The following NBEA variants were observed in gnomAD, a reference collection of about 807,000 sequenced individuals.
NBEA encodes the protein neurobeachin.
Under a neutral mutation model 343.4 loss-of-function variants are expected in NBEA, and 44 were observed. That is an observed-to-expected ratio of 0.13 (90% CI 0.10 to 0.16). The LOEUF (loss-of-function observed/expected upper bound fraction) is 0.16, where lower values mean the gene tolerates loss of function less well. Among genes scored for constraint, NBEA ranks in the 10% least tolerant of loss-of-function variants. NBEA has a pLI of 1.00. For synonymous variants in NBEA, 1,175 were observed against 1,238.7 expected (o/e 0.95, Z 1.08); for missense variants, 2,555 against 3,631.3 (o/e 0.70, Z 7.62).
intron 35 of NBEA, among the ~76,000 whole-genome samples, chr13:35,300,125 T>C (rs2152825175): frequency 6.6e-6 from 1 of 152,302 alleles, no homozygotes; most frequent in Non-Finnish European, 1.5e-5. Context: ...TTTTTGAAGC[T>C]CTTAGAATCA....
At chr13:35,290,175 A>G (rs1045799031) in intron 34 of NBEA, among the ~76,000 whole-genome samples, 1 of 151,826 alleles carries the variant, frequency 6.6e-6, no homozygotes, top group Admixed American at 6.6e-5. Flanking sequence ...CACAGCCAAT[A>G]TCATACTGAA....
intron 38 of NBEA, among the ~76,000 whole-genome samples, chr13:35,404,865 A>G (rs1159412606): frequency 6.6e-6 from 1 of 152,182 alleles, no homozygotes; most frequent in African/African-American, 2.4e-5. Flanking sequence ...TTAGAAACAT[A>G]GCAAAGAAGA....
intron 33 of NBEA, among the ~76,000 whole-genome samples, chr13:35,225,229 G>A (rs2074586212): frequency 6.6e-6 from 1 of 152,062 alleles, no homozygotes; most frequent in African/African-American, 2.4e-5. Context: ...GGATCTTGAA[G>A]GTAGGGCTTT....
rs144339801 is a variant in NBEA at position 35,406,242 on chromosome 13, T to C, written c.6180-26027T>C. Reference sequence around the variant, plus strand: ...AAGTGAAAAAATATACTCATTATACTAAATTTTTCCTCAATGGCTTCACCT... The same window carrying C: ...AAGTGAAAAAATATACTCATTATACCAAATTTTTCCTCAATGGCTTCACCT... On this transcript the variant is annotated intron_variant, in intron 38 of 58. Transcript: ENST00000379939. Among the ~76,000 whole-genome samples the C allele has an allele frequency of 9.9e-5, 15 of 152,064 alleles. No individual in the cohort carries two copies. In the East Asian group the frequency reaches 2.3e-3, roughly 24 times the overall value.
intron 34 of NBEA, among the ~76,000 whole-genome samples, chr13:35,265,974 A>G (rs1028481211): frequency 1.3e-5 from 2 of 151,992 alleles, no homozygotes; most frequent in African/African-American, 2.4e-5. Context: ...GCTAATATCC[A>G]AAATATATAA....
At chr13:35,264,929 GA>G (rs142281607) in intron 34 of NBEA, among the ~76,000 whole-genome samples, 2,442 of 148,170 alleles carry the variant, frequency 0.016, 61 homozygotes, top group African/African-American at 0.058. Flanking sequence ...ATCCAAATGA[GA>G]AAAAAAAAAT....
In NBEA at chr13:35,110,864, A is replaced by G. The variant is rs755268889; in HGVS notation, c.1888A>G (p.Ile630Val). 1 of 1,612,402 alleles carries G rather than the reference A, an allele frequency of 6.2e-7. No homozygotes were observed. Among genetic ancestry groups the G allele is most frequent in the African/African-American group, 1.3e-5 (1 of 74,868 alleles). The part of the protein sequence containing the change: ...LSAEFIGTAT[I>V]YTTIRRVGTV... ...TGCTGAATTTATTGGAACTGCTACC[A>G]TCTACACCACCATACGCAGAGTAGG... The change falls in exon 13 of 59, where the codon ATC becomes GTC. Residue 630 changes from isoleucine (I) to valine (V), a missense_variant. Around this residue, in one of 21 missense-constraint regions of NBEA, gnomAD observed 360 missense variants for 519.1 expected, o/e 0.69. Coordinates refer to ENST00000379939, the MANE Select transcript of NBEA (RefSeq NM_001385012.1).
chr13:35,093,420 G>T (rs1470445063), intron 10 of NBEA, among the ~76,000 whole-genome samples: 2 of 151,476 alleles, frequency 1.3e-5, no homozygotes, highest in Non-Finnish European at 2.9e-5. Context: ...AAGTATTAAA[G>T]AATTGTTTCA....
intron 46 of NBEA, among the ~76,000 whole-genome samples, chr13:35,586,751 A>T (rs1452648841): frequency 6.6e-6 from 1 of 152,316 alleles, no homozygotes; most frequent in Middle Eastern, 3.4e-3. Flanking sequence ...CAATCAGAAC[A>T]GAGCATCTTT....
chr13:35,287,813 C>T (rs2035533398), intron 34 of NBEA, among the ~76,000 whole-genome samples: 1 of 151,894 alleles, frequency 6.6e-6, no homozygotes, highest in African/African-American at 2.4e-5. Flanking sequence ...CCACCACTGA[C>T]TGAATGACAC....
intron 39 of NBEA, among the ~76,000 whole-genome samples, chr13:35,441,831 G>GAAAA (rs34357028): frequency 3.7e-4 from 44 of 120,046 alleles, no homozygotes; most frequent in African/African-American, 1.2e-3. Context: ...TGCTAGATGT[G>GAAAA]AAAAAAAAAA....
At chr13:34,945,614 G>A (rs17051745) in intron 1 of NBEA, among the ~76,000 whole-genome samples, 3,542 of 152,032 alleles carry the variant, frequency 0.023, 60 homozygotes, top group South Asian at 0.075. Flanking sequence ...AAAAATGTAA[G>A]GTGAAATAGT....
intron 39 of NBEA, 58 bp downstream of exon 39, chr13:35,432,451 T>G: frequency 6.9e-7 from 1 of 1,442,218 alleles, no homozygotes. Context: ...ACTCCTTGTG[T>G]TTGAGAATTC....
chr13:35,672,542 T>A lies in NBEA; in HGVS notation c.*1551T>A, dbSNP rs1179930907. The A allele has an allele frequency of 6.6e-6, 1 of 152,610 alleles. No homozygotes were observed. The highest frequency in any genetic ancestry group is 2.4e-5 in the African/African-American group (1 of 41,426). The allele number at this position is 152,610 out of a possible 1,614,324, so 9.5% of individuals were successfully genotyped here. A position where few individuals can be genotyped will look rare whatever the true frequency, so the allele number is the denominator to read the frequency against. ...ACCAGGCTGTAAGCAATATCTTGAG[T>A]TTGTAGCTTAGAATTGGGAGGATAC... On this transcript the variant is annotated 3_prime_UTR_variant, in exon 59 of 59. Coordinates refer to ENST00000379939, the MANE Select transcript of NBEA (RefSeq NM_001385012.1).
chr13:35,624,204 A>G (rs1314901172), intron 48 of NBEA, among the ~76,000 whole-genome samples: 2 of 152,136 alleles, frequency 1.3e-5, no homozygotes, highest in South Asian at 4.1e-4. Context: ...AAGAAAACAA[A>G]AAGTTGTAGG....
At chr13:35,585,632 T>C (rs1204825879) in intron 46 of NBEA, among the ~76,000 whole-genome samples, 1 of 151,934 alleles carries the variant, frequency 6.6e-6, no homozygotes, top group Non-Finnish European at 1.5e-5. Context: ...TTCTCATGGG[T>C]TCCTGACCCA....
intron 41 of NBEA, among the ~76,000 whole-genome samples, chr13:35,496,805 C>T (rs1023513605): frequency 1.1e-4 from 17 of 151,828 alleles, no homozygotes; most frequent in African/African-American, 3.4e-4. Context: ...GCACCTCTAC[C>T]GCTCCCAGGA....
At chr13:35,350,838 A>G (rs2040162084) in intron 37 of NBEA, among the ~76,000 whole-genome samples, 1 of 151,020 alleles carries the variant, frequency 6.6e-6, no homozygotes, top group Admixed American at 6.6e-5. Flanking sequence ...TTTTGCTAGA[A>G]CTTTTTGAGG....
At chr13:35,594,160 G>A (rs2081654776) in intron 47 of NBEA, among the ~76,000 whole-genome samples, 2 of 151,906 alleles carry the variant, frequency 1.3e-5, no homozygotes, top group Non-Finnish European at 2.9e-5. Context: ...AAGGTTACAT[G>A]GCCAGGTTAT....
Sources: gnomAD v4.1 joint callset for allele counts (sites outside exome capture counted in the v4.1 genomes callset) on GRCh38, gnomAD v4.1.1 for gene constraint, gnomAD v4.1.1 regional missense constraint, MANE v1.5 for transcripts, NCBI Gene and HGNC (gene_info 2026-07-23, HGNC 2026-07-21) for gene names.